The following ARHGAP40 variants were observed in gnomAD, a reference collection of about 807,000 sequenced individuals.
The protein encoded by ARHGAP40 is rho GTPase-activating protein 40.
A neutral mutation model predicts 73.5 loss-of-function variants in ARHGAP40; 43 were observed. The observed-to-expected ratio is 0.58, with a 90% CI of 0.46 to 0.75. The LOEUF (loss-of-function observed/expected upper bound fraction) is 0.75. Among genes scored for constraint, ARHGAP40 ranks in the 30% least tolerant of loss-of-function variants. ARHGAP40 has a pLI of 0.00. For missense variants in ARHGAP40, 734 were observed against 861.8 expected (o/e 0.85, Z 1.86); for synonymous variants, 300 against 352.8 (o/e 0.85, Z 1.68).
chr20:38,603,481 C>T, intron 1 of ARHGAP40, among the ~76,000 whole-genome samples: 1 of 148,466 alleles, frequency 6.7e-6, no homozygotes, highest in Non-Finnish European at 1.5e-5. Context: ...TCTAATCTAT[C>T]CATCTATCTA....
chr20:38,619,249 G>A (rs1316085349), intron 1 of ARHGAP40, among the ~76,000 whole-genome samples: 1 of 152,108 alleles, frequency 6.6e-6, no homozygotes, highest in Non-Finnish European at 1.5e-5. Flanking sequence ...AGGGTCCTGG[G>A]ATACCATGAG....
chr20:38,625,545 A>G (rs2088894395), intron 2 of ARHGAP40, among the ~76,000 whole-genome samples: 1 of 152,138 alleles, frequency 6.6e-6, no homozygotes, highest in Non-Finnish European at 1.5e-5. Flanking sequence ...CAGCCTCCCA[A>G]GTAGTTGGGA....
intron 1 of ARHGAP40, among the ~76,000 whole-genome samples, chr20:38,616,682 G>A (rs1047085377): frequency 6.6e-6 from 1 of 152,196 alleles, no homozygotes; most frequent in Non-Finnish European, 1.5e-5. Flanking sequence ...TGTGAAATGG[G>A]ATGATAAGAA....
intron 1 of ARHGAP40, among the ~76,000 whole-genome samples, chr20:38,620,032 A>T (rs1487151527): frequency 6.6e-6 from 1 of 152,226 alleles, no homozygotes; most frequent in Non-Finnish European, 1.5e-5. Context: ...TGATCGCGCC[A>T]TTGCCTTCGA....
chr20:38,610,883 C>CTTTTTTTTTTTTTTTTTT (rs60110231), intron 1 of ARHGAP40, among the ~76,000 whole-genome samples: 2 of 139,056 alleles, frequency 1.4e-5, no homozygotes, highest in Non-Finnish European at 1.5e-5. Context: ...GATGTCTTTT[C>CTTTTTTTTTTTTTTTTTT]TTTTTTTTTT....
chr20:38,602,102 A>G lies in ARHGAP40; in HGVS notation c.137+23A>G. The G allele has an allele frequency of 4.7e-6, 6 of 1,268,620 alleles. No homozygotes were observed. The South Asian group carries it at 7.6e-5, about 16-fold the overall frequency. 78.6% of individuals were successfully genotyped at this position (1,268,620 alleles called of 1,614,324 possible). ...CAGGTACAGGGGTCACGGGAGCGGGAGGGAAGTTGGCCCTACTATGCACCA... is the reference window on the plus strand; with the variant it reads ...CAGGTACAGGGGTCACGGGAGCGGGGGGGAAGTTGGCCCTACTATGCACCA... On this transcript the variant is annotated intron_variant, in intron 1 of 14. Coordinates refer to ENST00000373345, the Ensembl canonical transcript of ARHGAP40.
chr20:38,614,104 TC>T (rs2088819383), intron 1 of ARHGAP40, among the ~76,000 whole-genome samples: 1 of 152,198 alleles, frequency 6.6e-6, no homozygotes, highest in African/African-American at 2.4e-5. Context: ...GTCCCGATGT[TC>T]AGGTTGTGCA....
chr20:38,628,959 G>T, exon 4 of ARHGAP40: 5 of 1,305,170 alleles, frequency 3.8e-6, no homozygotes, highest in Non-Finnish European at 5.1e-6. Context: ...ACTCCGGTAT[G>T]AAGGGGGCCC....
At position 38,629,492 on chromosome 20, in the gene ARHGAP40, C is replaced by G. The variant is rs182245844; in HGVS notation, c.635-10C>G. Reference sequence around the variant, plus strand: ...CTGCCTTTCTCTGCTTTGTTTCCCCCGCCCCGCAGCAGCAGAGCCTGGGGG... The same window carrying G: ...CTGCCTTTCTCTGCTTTGTTTCCCCGGCCCCGCAGCAGCAGAGCCTGGGGG... On this transcript the variant is annotated splice_polypyrimidine_tract_variant and intron_variant, in intron 4 of 14. Coordinates refer to ENST00000373345, the Ensembl canonical transcript of ARHGAP40. 3.0e-4 allele frequency: 396 copies of G among 1,305,234 alleles called. 1 individual carries two copies. The African/African-American group carries it at 4.7e-3, about 15-fold the overall frequency. The allele number at this position is 1,305,234 out of a possible 1,614,324, so 80.9% of individuals were successfully genotyped here.
intron 6 of ARHGAP40, among the ~76,000 whole-genome samples, chr20:38,635,124 C>G (rs1299918730): frequency 6.6e-6 from 1 of 152,088 alleles, no homozygotes; most frequent in East Asian, 1.9e-4. Flanking sequence ...TCGTGATCTG[C>G]CTGCCTCAGC....
intron 2 of ARHGAP40, among the ~76,000 whole-genome samples, chr20:38,625,788 G>A (rs1291253841): frequency 6.6e-6 from 1 of 152,162 alleles, no homozygotes; most frequent in Non-Finnish European, 1.5e-5. Flanking sequence ...TCCCATCAAT[G>A]TCTACTCATG....
intron 3 of ARHGAP40, among the ~76,000 whole-genome samples, chr20:38,627,658 G>C: frequency 1.4e-5 from 2 of 147,352 alleles, no homozygotes; most frequent in East Asian, 2.0e-4. Context: ...GTGTTGGTGT[G>C]TGTGGGGGTG....
At chr20:38,615,374 C>A (rs1003026193) in intron 1 of ARHGAP40, 25 of 746,366 alleles carry the variant, frequency 3.3e-5, no homozygotes, top group Non-Finnish European at 6.0e-5. Context: ...GTTAAAAGGC[C>A]CCAGGTACCC....
At chr20:38,620,189 T>C (rs1447015310) in intron 1 of ARHGAP40, among the ~76,000 whole-genome samples, 1 of 152,254 alleles carries the variant, frequency 6.6e-6, no homozygotes, top group African/African-American at 2.4e-5. Flanking sequence ...TGAGTACTTT[T>C]CTGCATGCGC....
At chr20:38,644,669 ATCAATCCAT>A (rs2089040812) in intron 11 of ARHGAP40, among the ~76,000 whole-genome samples, 1 of 71,796 alleles carries the variant, frequency 1.4e-5, no homozygotes, top group African/African-American at 5.3e-5. Context: ...TTACCCACCC[ATCAATCCAT>A]TAATTCCTCC....
At position 38,646,043 on chromosome 20, in the gene ARHGAP40, C is replaced by G. The variant is rs757956605; in HGVS notation, c.1570-4C>G. 37 of 1,302,304 alleles carry G rather than the reference C, an allele frequency of 2.8e-5. No homozygotes were observed. In the South Asian group the frequency reaches 4.1e-4, roughly 14 times the overall value. The allele number at this position is 1,302,304 out of a possible 1,614,324, so 80.7% of individuals were successfully genotyped here. A position where few individuals can be genotyped will look rare whatever the true frequency, so the allele number is the denominator to read the frequency against. ...CCTGCCAAAACTTGATCCTTTCTGG[C>G]CAGGTCGCCTCTTTCCTGGTCGCCC... On this transcript the variant is annotated splice_polypyrimidine_tract_variant and splice_region_variant and intron_variant, in intron 11 of 14. Transcript: ENST00000373345. The surrounding 1 kb of genome is among the most constrained non-coding windows in gnomAD (Gnocchi z 4.5).
chr20:38,613,049 T>C lies in ARHGAP40; in HGVS notation c.138-10310T>C, dbSNP rs114790964. On this transcript the variant is annotated intron_variant, in intron 1 of 14. Transcript: ENST00000373345. ...GTCACTTAGAGACACAGACCCAGGA[T>C]TATCATCTCTACTGATTATTTTTTC... Among the ~76,000 whole-genome samples the C allele has an allele frequency of 4.1e-3, 627 of 152,332 alleles. 7 individuals carry two copies. Among genetic ancestry groups the C allele is most frequent in the African/African-American group, 0.015 (609 of 41,562 alleles).
chr20:38,616,192 C>T (rs1432532562), intron 1 of ARHGAP40, among the ~76,000 whole-genome samples: 1 of 152,232 alleles, frequency 6.6e-6, no homozygotes, highest in Non-Finnish European at 1.5e-5. Context: ...TCTCTCCCTC[C>T]TTTCCCTTCA....
intron 1 of ARHGAP40, chr20:38,615,427 A>G: frequency 1.4e-6 from 1 of 720,820 alleles, no homozygotes; most frequent in Non-Finnish European, 2.6e-6. Flanking sequence ...GTTGGGGATA[A>G]TGGTAACCAG....
Sources: allele counts gnomAD v4.1 joint callset (sites outside exome capture counted in the v4.1 genomes callset), GRCh38; gene constraint gnomAD v4.1.1; non-coding constraint Gnocchi (gnomAD v3.1); transcripts MANE v1.5; gene names NCBI Gene and HGNC (gene_info 2026-07-23, HGNC 2026-07-21).